CCDC77: variants seen among roughly 807,000 people sequenced by gnomAD.
The protein encoded by CCDC77 is coiled-coil domain containing 77.
In CCDC77, 56 loss-of-function variants were observed where a neutral mutation model predicts 66.8. That is an observed-to-expected ratio of 0.84 (90% confidence interval 0.68 to 1.05). CCDC77 has a LOEUF of 1.05. Among genes scored for constraint, CCDC77 ranks in the 50% least tolerant of loss-of-function variants. The pLI is 0.00. For missense variants in CCDC77, 570 were observed against 576.8 expected, an observed-to-expected ratio of 0.99 and a Z score of 0.12; for synonymous variants, 196 against 195.2, an observed-to-expected ratio of 1.00 and a Z score of -0.03.
At chr12:420,498 TAC>T (rs201055487) in intron 5 of CCDC77, among the ~76,000 whole-genome samples, 1 of 72,520 alleles carries the variant, frequency 1.4e-5, no homozygotes, top group Non-Finnish European at 2.4e-5. Context: ...GAGGGTAAAA[TAC>T]ACATAGCAGC....
intron 2 of CCDC77, among the ~76,000 whole-genome samples, chr12:408,716 T>C (rs1945046020): frequency 6.6e-6 from 1 of 152,232 alleles, no homozygotes; most frequent in Non-Finnish European, 1.5e-5. Context: ...CTTCTCCTCC[T>C]ATCCTATAAC....
chr12:426,510 T>C (rs1460505577), intron 5 of CCDC77, among the ~76,000 whole-genome samples: 3 of 152,232 alleles, frequency 2.0e-5, no homozygotes, highest in Non-Finnish European at 4.4e-5. Context: ...TAGGTCTTTA[T>C]TGATCGTCTT....
chr12:391,946 AG>A (rs146794167), intron 1 of CCDC77, among the ~76,000 whole-genome samples: 1 of 151,106 alleles, frequency 6.6e-6, no homozygotes, highest in African/African-American at 2.4e-5. Flanking sequence ...TGCTTCCCTC[AG>A]GGGGGGCACA....
chr12:399,405 G>T (rs2369279), upstream of CCDC77, among the ~76,000 whole-genome samples: 2 of 151,906 alleles, frequency 1.3e-5, no homozygotes, highest in Non-Finnish European at 2.9e-5. Flanking sequence ...CTCCTGACCT[G>T]GTGATCCGCC....
rs1160017876 is a variant in CCDC77, at chr12:416,336, TGTGTGGGG to T, written c.271-2152_271-2145del. Among the ~76,000 whole-genome samples, 219 of 42,550 alleles carry T rather than the reference TGTGTGGGG, an allele frequency of 5.1e-3. 32 individuals carry two copies. Among genetic ancestry groups the T allele is most frequent in the Admixed American group, 0.049 (119 of 2,416 alleles). The allele number at this position is 42,550 out of a possible 152,430, so 27.9% of individuals were successfully genotyped here. On this transcript the variant is annotated intron_variant, in intron 4 of 12. Transcript: ENST00000239830. ...GTGTGTGTGTGTGTGAGTCTGTGGG[TGTGTGGGG>T]GTGTGTGTGTGTGTGTGTGTGTGTG... is the stretch of plus-strand genomic sequence containing the variant.
intron 9 of CCDC77, chr12:433,558 T>A: frequency 9.7e-7 from 1 of 1,028,690 alleles, no homozygotes; most frequent in East Asian, 3.8e-5. Flanking sequence ...GTGTTTTAGC[T>A]TGCTTCTGGT....
intron 1 of CCDC77, among the ~76,000 whole-genome samples, chr12:405,145 A>G (rs1261553692): frequency 6.6e-6 from 1 of 152,252 alleles, no homozygotes; most frequent in East Asian, 1.9e-4. Context: ...ATGGTACCAC[A>G]TAGGTGAACC....
At chr12:433,985 A>G (rs959090152) in intron 9 of CCDC77, among the ~76,000 whole-genome samples, 8 of 152,178 alleles carry the variant, frequency 5.3e-5, no homozygotes, top group Non-Finnish European at 1.2e-4. Context: ...TGTGTGAAAC[A>G]GCATGATACA....
intron 9 of CCDC77, among the ~76,000 whole-genome samples, chr12:435,513 T>C (rs191778425): frequency 1.5e-4 from 23 of 152,382 alleles, no homozygotes; most frequent in Admixed American, 9.8e-4. Flanking sequence ...CTCTGCTCTC[T>C]GATATAGGCA....
chr12:432,089 T>G (rs1415469454), intron 8 of CCDC77, 135 bp downstream of exon 8: 5 of 571,792 alleles, frequency 8.7e-6, no homozygotes, highest in Admixed American at 3.3e-5. Context: ...TTAAGAAAAT[T>G]GAGATTGTTC....
chr12:409,350 T>A lies in CCDC77; in HGVS notation c.-16-18T>A. 1 of 1,599,588 alleles carries A rather than the reference T, an allele frequency of 6.3e-7. No homozygotes were observed. The highest frequency in any genetic ancestry group is 1.1e-5 in the South Asian group (1 of 90,792). On this transcript the variant is annotated intron_variant, in intron 2 of 12. Coordinates refer to ENST00000239830, the MANE Select transcript of CCDC77 (RefSeq NM_032358.4). ...TCTATTCGTGGCCCGTAATTATGAA[T>A]TTTTGTGTATTTGATAGGTGTGAAA...
intron 5 of CCDC77, 76 bp downstream of exon 5, chr12:418,712 T>C (rs1945334371): frequency 1.3e-6 from 2 of 1,497,632 alleles, no homozygotes; most frequent in Admixed American, 1.7e-5. Context: ...CATTCATTCA[T>C]TGATTTAGAG....
intron 10 of CCDC77, 190 bp downstream of exon 10, chr12:438,744 GATTC>G (rs1002330243): frequency 7.1e-5 from 37 of 520,486 alleles, no homozygotes; most frequent in South Asian, 9.2e-5. Flanking sequence ...TAGACTTGTT[GATTC>G]ATTCATTCAT....
intron 1 of CCDC77, among the ~76,000 whole-genome samples, chr12:402,297 A>G (rs1171247114): frequency 6.6e-6 from 1 of 152,174 alleles, no homozygotes; most frequent in Non-Finnish European, 1.5e-5. Context: ...CATGGGAGAA[A>G]CGATAGCAAT....
intron 12 of CCDC77, 107 bp downstream of exon 12, chr12:441,103 A>G: frequency 8.7e-7 from 1 of 1,154,998 alleles, no homozygotes; most frequent in Non-Finnish European, 1.2e-6. Flanking sequence ...CTGCTGGTAA[A>G]CACTAACAGA....
chr12:409,836 A>AG (rs1165548753), intron 3 of CCDC77: 1 of 154,584 alleles, frequency 6.5e-6, no homozygotes, highest in Non-Finnish European at 1.4e-5. Context: ...TCTACTAAAA[A>AG]AAAAAAAAAA....
At chr12:438,264 T>C (rs1945792180) in intron 9 of CCDC77, 71 bp from the exon 10 acceptor site, 1 of 1,053,804 alleles carries the variant, frequency 9.5e-7, no homozygotes, top group South Asian at 1.5e-5. Context: ...CTCTTCCATT[T>C]TGGAATAATC....
chr12:438,469 T>C lies in CCDC77; in HGVS notation c.956T>C (p.Val319Ala). The change falls in exon 10 of 13, where the codon GTG becomes GCG. Residue 319 changes from valine (V) to alanine (A), a missense_variant. Val to Ala is a moderately conservative substitution (Grantham distance 64). Transcript: ENST00000239830. Reference protein sequence around the residue: ...NLMSKIKQYRVQCKKKEDKIG... With the variant: ...NLMSKIKQYRAQCKKKEDKIG... ...ATGTCAAAGATTAAGCAATATAGGG[T>C]GCAGTGTAAGAAGAAAGAAGATAAA... 1.2e-6 allele frequency: 2 copies of C among 1,613,922 alleles called. No homozygotes were observed. Among genetic ancestry groups the C allele is most frequent in the Non-Finnish European group, 1.7e-6 (2 of 1,179,892 alleles).
At chr12:427,527 T>A (rs1945558686) in intron 5 of CCDC77, among the ~76,000 whole-genome samples, 1 of 147,946 alleles carries the variant, frequency 6.8e-6, no homozygotes, top group Non-Finnish European at 1.5e-5. Context: ...CAGGCCAGAG[T>A]GCGGTGGTGC....
Sources: allele counts gnomAD v4.1 joint callset (sites outside exome capture counted in the v4.1 genomes callset), GRCh38; gene constraint gnomAD v4.1.1; transcripts MANE v1.5; gene names NCBI Gene and HGNC (gene_info 2026-07-23, HGNC 2026-07-21).